PDCD11: variants seen among roughly 807,000 people sequenced by gnomAD.
PDCD11 encodes protein RRP5 homolog.
In PDCD11, 97 loss-of-function variants were observed where a neutral mutation model predicts 198.9. The ratio of observed to expected loss-of-function variants is 0.49; its 90% confidence interval spans 0.41 to 0.58. The LOEUF (loss-of-function observed/expected upper bound fraction) is 0.58. PDCD11 is among the 20% of genes least tolerant of loss of function. The pLI, the probability that PDCD11 is intolerant of heterozygous loss-of-function variation, is 0.00. For missense variants in PDCD11, 2,102 were observed against 2,312.7 expected, an observed-to-expected ratio of 0.91 and a Z score of 1.87; for synonymous variants, 893 against 918.0, an observed-to-expected ratio of 0.97 and a Z score of 0.49.
chr10:103,417,811 T>C lies in PDCD11; in HGVS notation c.1790T>C (p.Leu597Ser), dbSNP rs1479719516. ...YTGQVVKVVV[L>S]NCEPSKERML... The stretch of plus-strand genomic sequence containing the variant: ...TGCCAGGTGGTGAAGGTTGTCGTAT[T>C]GAACTGTGAGCCATCCAAAGAGAGG... Residue 597 changes from leucine (L) to serine (S), a missense_variant, in exon 14 of 36, where the codon TTG becomes TCG. By Grantham distance (145) the Leu-to-Ser change is moderately radical (BLOSUM62 -2). Transcript: ENST00000369797. 1 of 1,614,008 alleles carries C rather than the reference T, an allele frequency of 6.2e-7. No individual in the cohort carries two copies. The highest frequency in any genetic ancestry group is 8.5e-7 in the Non-Finnish European group (1 of 1,179,982).
At chr10:103,405,305 C>T (rs1259234240) in intron 5 of PDCD11, 122 bp downstream of exon 5, 2 of 940,038 alleles carry the variant, frequency 2.1e-6, no homozygotes, top group African/African-American at 3.3e-5. Flanking sequence ...GGTTCTTTTT[C>T]TGGAAGGAAG....
intron 32 of PDCD11, 40 bp downstream of exon 32, chr10:103,442,500 T>G: frequency 6.3e-7 from 1 of 1,594,424 alleles, no homozygotes; most frequent in Non-Finnish European, 8.6e-7. Flanking sequence ...TCTTCGCACG[T>G]TCTGGGCTGG....
rs185535403 is a variant in PDCD11 at position 103,440,001 on chromosome 10, C to A, written c.4148+133C>A. 1,512 of 1,141,312 alleles carry A rather than the reference C, an allele frequency of 1.3e-3. 2 individuals are homozygous for A. Among genetic ancestry groups the A allele is most frequent in the Middle Eastern group, 2.9e-3 (14 of 4,750 alleles). The allele number at this position is 1,141,312 out of a possible 1,614,324, so 70.7% of individuals were successfully genotyped here. A position where few individuals can be genotyped will look rare whatever the true frequency, so the allele number is the denominator to read the frequency against. On this transcript the variant is annotated intron_variant, in intron 28 of 35. Transcript: ENST00000369797. Reference sequence around the variant, plus strand: ...AGTGGTGTTCAGATGAATAAAAGGCCTTTGTTTGGAACCTTCTCCCCCAGT... The same window carrying A: ...AGTGGTGTTCAGATGAATAAAAGGCATTTGTTTGGAACCTTCTCCCCCAGT...
intron 17 of PDCD11, among the ~76,000 whole-genome samples, chr10:103,422,012 A>G (rs2031464188): frequency 6.8e-6 from 1 of 146,878 alleles, no homozygotes; most frequent in African/African-American, 2.5e-5. Flanking sequence ...AATTGGGTTA[A>G]CTTTTTTTTT....
intron 2 of PDCD11, 115 bp from the exon 3 acceptor site, chr10:103,400,282 A>C: frequency 2.6e-6 from 1 of 385,486 alleles, no homozygotes; most frequent in Non-Finnish European, 4.5e-6. Context: ...GGGATGGGGT[A>C]GGGTGGAGTG....
In PDCD11 at chr10:103,410,819, T is replaced by C. The variant is rs943890755; in HGVS notation, c.978+1013T>C. ...GGCCAGGTGTGGTGGCTCACGCCTA[T>C]AATCCCAGCACTTTGGTAGGCCGAG... On this transcript the variant is annotated intron_variant, in intron 8 of 35. Coordinates refer to ENST00000369797, the MANE Select transcript of PDCD11 (RefSeq NM_014976.2). Among the ~76,000 whole-genome samples the C allele has an allele frequency of 6.6e-5, 10 of 151,900 alleles. No individual in the cohort carries two copies. In the East Asian group the frequency reaches 1.9e-3, roughly 30 times the overall value.
rs567487204 is a variant in PDCD11, at chr10:103,433,212, C to T, written c.3475-736C>T. On this transcript the variant is annotated intron_variant, in intron 22 of 35. Transcript: ENST00000369797. ...ACTAGAAAATTGGAGTATGTATTTACGGCCAGGTGTGGTGGTTCACGCCTG... is the reference window on the plus strand; with the variant it reads ...ACTAGAAAATTGGAGTATGTATTTATGGCCAGGTGTGGTGGTTCACGCCTG... Among the ~76,000 whole-genome samples, 16 of 152,142 alleles carry T rather than the reference C, an allele frequency of 1.1e-4. No individual in the cohort carries two copies. The East Asian group carries it at 3.1e-3, about 29-fold the overall frequency.
chr10:103,402,587 T>C (rs1369815334), intron 3 of PDCD11, among the ~76,000 whole-genome samples: 1 of 151,942 alleles, frequency 6.6e-6, no homozygotes, highest in Non-Finnish European at 1.5e-5. Flanking sequence ...TACAGGCACC[T>C]GCCACCATGC....
chr10:103,414,526 A>G (rs2030992846), intron 11 of PDCD11, among the ~76,000 whole-genome samples, 196 bp downstream of exon 11: 1 of 152,032 alleles, frequency 6.6e-6, no homozygotes, highest in Admixed American at 6.6e-5. Context: ...TCTTACTAGC[A>G]CCACCCAGCT....
rs575001725 is a variant in PDCD11 at position 103,443,638 on chromosome 10, G to A, written c.5125-277G>A. ...GTCCCGGCCCAGCATCCGCTCTGGC[G>A]TCTCTCCTACTCCCCCTTGTCATTC... On this transcript the variant is annotated intron_variant, in intron 33 of 35. Coordinates refer to ENST00000369797, the MANE Select transcript of PDCD11 (RefSeq NM_014976.2). 2.0e-4 allele frequency among the ~76,000 whole-genome samples: 31 copies of A among 152,292 alleles called. No individual in the cohort carries two copies. In the East Asian group the frequency reaches 4.3e-3, roughly 21 times the overall value.
chr10:103,400,379 C>T lies in PDCD11; in HGVS notation c.103-18C>T, dbSNP rs374970512. The T allele has an allele frequency of 1.2e-6, 2 of 1,605,506 alleles. No individual in the cohort carries two copies. Among genetic ancestry groups the T allele is most frequent in the Non-Finnish European group, 1.7e-6 (2 of 1,177,636 alleles). ...TTATTCTTTTGGGTCTTTGTGGGCT[C>T]CCCCTACCCGCTTCTAGATTTCTAC... is the stretch of plus-strand genomic sequence containing the variant. On this transcript the variant is annotated intron_variant, in intron 2 of 35. Coordinates refer to ENST00000369797, the MANE Select transcript of PDCD11 (RefSeq NM_014976.2).
intron 2 of PDCD11, among the ~76,000 whole-genome samples, chr10:103,398,792 G>A (rs542930757): frequency 2.0e-5 from 3 of 152,334 alleles, no homozygotes; most frequent in African/African-American, 7.2e-5. Context: ...GCCGAGGCAG[G>A]CGGATCACTT....
intron 20 of PDCD11, among the ~76,000 whole-genome samples, chr10:103,426,308 A>G (rs1237033907): frequency 1.3e-5 from 2 of 152,236 alleles, no homozygotes; most frequent in Non-Finnish European, 2.9e-5. Context: ...AATTCTTGCT[A>G]TAACAAGAAC....
chr10:103,426,017 A>T (rs2031680118), intron 20 of PDCD11, among the ~76,000 whole-genome samples: 1 of 152,178 alleles, frequency 6.6e-6, no homozygotes, highest in African/African-American at 2.4e-5. Context: ...ATGGGTTTGG[A>T]GTCAGACCCG....
intron 19 of PDCD11, among the ~76,000 whole-genome samples, chr10:103,424,488 A>G (rs2133718887): frequency 6.6e-6 from 1 of 152,368 alleles, no homozygotes; most frequent in East Asian, 1.9e-4. Context: ...ATATAAGAGC[A>G]TGAGCACAAT....
Position 103,439,812 on chromosome 10 carries a change from A to T in PDCD11, c.4092A>T (p.Lys1364Asn). 6.2e-7 allele frequency: 1 copy of T among 1,614,132 alleles called. No individual in the cohort carries two copies. Among genetic ancestry groups the T allele is most frequent in the Non-Finnish European group, 8.5e-7 (1 of 1,180,010 alleles). The change falls in exon 28 of 36, where the codon AAA (lysine) becomes AAT (asparagine). Residue 1364 changes from lysine to asparagine, a missense_variant. Transcript: ENST00000369797. ...SHVSQHSPSK[K>N]ALYNKHLPEG... The stretch of plus-strand genomic sequence containing the variant: ...TCTCCCAGCACAGCCCGTCCAAGAA[A>T]GCCCTTTATAACAAACACCTCCCTG...
intron 8 of PDCD11, among the ~76,000 whole-genome samples, chr10:103,412,560 T>C (rs1240162025): frequency 6.6e-6 from 1 of 152,192 alleles, no homozygotes; most frequent in Non-Finnish European, 1.5e-5. Flanking sequence ...GACCTCGTGA[T>C]CTGCCTGCTG....
In PDCD11 at chr10:103,445,494, T is replaced by G. The variant is rs1473886750; in HGVS notation, c.5561T>G (p.Val1854Gly). ...QHGTEKDVQA[V>G]KAKALEYVEA... is the part of the protein sequence containing the mutation. ...GGCACTGAGAAGGATGTGCAGGCAG[T>G]CAAGGCCAAGGCCCTGGAGTATGTG... Residue 1854 changes from valine to glycine, a missense_variant, in exon 36 of 36, where the codon GTC becomes GGC. Val to Gly is a moderately radical substitution (Grantham distance 109). Coordinates refer to ENST00000369797, the MANE Select transcript of PDCD11 (RefSeq NM_014976.2). 6.2e-7 allele frequency: 1 copy of G among 1,614,060 alleles called. No individual in the cohort carries two copies. Among genetic ancestry groups the G allele is most frequent in the Non-Finnish European group, 8.5e-7 (1 of 1,180,054 alleles).
At chr10:103,435,782 G>C (rs1322149145) in intron 25 of PDCD11, among the ~76,000 whole-genome samples, 1 of 152,158 alleles carries the variant, frequency 6.6e-6, no homozygotes, top group Non-Finnish European at 1.5e-5. Flanking sequence ...CAAAGTGGTG[G>C]GATTACAGGC....
Sources: allele counts gnomAD v4.1 joint callset (sites outside exome capture counted in the v4.1 genomes callset), GRCh38; gene constraint gnomAD v4.1.1; transcripts MANE v1.5; gene names NCBI Gene and HGNC (gene_info 2026-07-23, HGNC 2026-07-21).